The following RPTOR variants were observed in gnomAD, a reference collection of about 807,000 sequenced individuals.
RPTOR encodes the protein regulatory associated protein of MTOR complex 1, also known as regulatory-associated protein of mTOR.
RPTOR carries 21 observed loss-of-function variants against 169.9 expected under a neutral mutation model. The ratio of observed to expected loss-of-function variants is 0.12; its 90% CI spans 0.09 to 0.18. The LOEUF (loss-of-function observed/expected upper bound fraction) is 0.18. Ranked by LOEUF, RPTOR falls within the 10% of genes least tolerant of loss-of-function variation. The pLI, the probability that RPTOR is intolerant of heterozygous loss-of-function variation, is 1.00. For missense variants in RPTOR, 1,133 were observed against 1,855.9 expected (o/e 0.61, Z 7.16); for synonymous variants, 732 against 753.2 (o/e 0.97, Z 0.46).
intron 2 of RPTOR, among the ~76,000 whole-genome samples, chr17:80,629,612 T>C (rs778672167): frequency 2.0e-5 from 3 of 151,668 alleles, no homozygotes; most frequent in Non-Finnish European, 2.9e-5. Context: ...CAGCTCTCTA[T>C]GTATTGCGTT....
intron 3 of RPTOR, among the ~76,000 whole-genome samples, chr17:80,655,299 T>A (rs1349738929): frequency 1.3e-5 from 2 of 152,246 alleles, no homozygotes; most frequent in African/African-American, 2.4e-5. Context: ...TTGGCCAGGC[T>A]GGCCTCAAAG....
intron 2 of RPTOR, among the ~76,000 whole-genome samples, chr17:80,637,221 A>C (rs2065514742): frequency 6.6e-6 from 1 of 152,232 alleles, no homozygotes; most frequent in Admixed American, 6.5e-5. Flanking sequence ...GAGGGAGAGC[A>C]GACGTCATGT....
chr17:80,855,776 C>T (rs1001638681), intron 12 of RPTOR, among the ~76,000 whole-genome samples: 2 of 152,094 alleles, frequency 1.3e-5, no homozygotes, highest in African/African-American at 2.4e-5. Flanking sequence ...CTGGGGTTGT[C>T]GCCCCTCTTT....
At chr17:80,883,584 G>A (rs1004002818) in intron 15 of RPTOR, 100 bp downstream of exon 15, 2 of 1,290,092 alleles carry the variant, frequency 1.6e-6, no homozygotes, top group Non-Finnish European at 2.2e-6. Context: ...GACAGGGGGT[G>A]TCCAGCAGAG....
At chr17:80,630,940 G>A (rs2065437262) in intron 2 of RPTOR, among the ~76,000 whole-genome samples, 1 of 152,166 alleles carries the variant, frequency 6.6e-6, no homozygotes, top group Non-Finnish European at 1.5e-5. Context: ...TCTCTCTTTA[G>A]TCTTAGGCAG....
rs9319608 is a variant in RPTOR, at chr17:80,674,787, CAA to C, written c.348+31014_348+31015del. 3.5e-3 allele frequency among the ~76,000 whole-genome samples: 315 copies of C among 89,928 alleles called. 3 individuals are homozygous for C. Among genetic ancestry groups the C allele is most frequent in the Middle Eastern group, 0.013 (2 of 150 alleles). The allele number at this position is 89,928 out of a possible 152,430, so 59.0% of individuals were successfully genotyped here. ...TGGGCAACAGAGCAAGACTCTGTCT[CAA>C]AAAAAAAAAAAAAAAAAAAAAAAAA... On this transcript the variant is annotated intron_variant, in intron 3 of 33. Transcript: ENST00000306801.
chr17:80,665,897 C>A (rs2065775087), intron 3 of RPTOR, among the ~76,000 whole-genome samples: 1 of 152,176 alleles, frequency 6.6e-6, no homozygotes, highest in African/African-American at 2.4e-5. Context: ...CTTGGAAGAT[C>A]TTCGTCGGAA....
intron 12 of RPTOR, 69 bp from the exon 13 acceptor site, chr17:80,857,721 G>T: frequency 3.7e-6 from 4 of 1,075,492 alleles, no homozygotes; most frequent in South Asian, 1.3e-5. Flanking sequence ...CTGGTCCCGC[G>T]TGGCACCCCT....
At chr17:80,952,855 CTTTTTTTTTTTTTT>C (rs139746545) in intron 28 of RPTOR, among the ~76,000 whole-genome samples, 39 of 98,072 alleles carry the variant, frequency 4.0e-4, no homozygotes, top group Non-Finnish European at 4.3e-4. Context: ...TTCTTTTCTT[CTTTTTTTTTTTTTT>C]TTTTTTTTTT....
chr17:80,940,572 G>A lies in RPTOR; in HGVS notation c.2996G>A (p.Arg999Lys), dbSNP rs2144037167. The change falls in exon 25 of 34, where the codon AGG (arginine) becomes AAG (lysine). Residue 999 changes from arginine to lysine, a missense_variant. Physicochemically the swap from Arg to Lys is conservative, Grantham distance 26. Around this residue, in one of 9 missense-constraint regions of RPTOR, gnomAD observed 410 missense variants for 623.7 expected, o/e 0.66. Coordinates refer to ENST00000306801, the MANE Select transcript of RPTOR (RefSeq NM_020761.3). ...EWRFLRNSRVRRQAQQVIQKG... is the reference protein window; with the variant it reads ...EWRFLRNSRVKRQAQQVIQKG... ...CGGTTCCTGCGAAACAGCCGTGTCA[G>A]GAGGCAGGCCCAGCAAGTCATTCAG... 1.2e-6 allele frequency: 2 copies of A among 1,612,666 alleles called. No individual in the cohort carries two copies. The highest frequency in any genetic ancestry group is 2.7e-5 in the African/African-American group (2 of 75,022).
At chr17:80,884,285 G>T (rs1478335069) in intron 16 of RPTOR, among the ~76,000 whole-genome samples, 3 of 151,972 alleles carry the variant, frequency 2.0e-5, no homozygotes, top group African/African-American at 7.2e-5. Context: ...GGCCTGCAAG[G>T]CAGGGACCAC....
chr17:80,933,168 TA>T, intron 24 of RPTOR, among the ~76,000 whole-genome samples: 1 of 152,302 alleles, frequency 6.6e-6, no homozygotes, highest in East Asian at 1.9e-4. Context: ...AAACATATCA[TA>T]TTGGAAAGAA....
chr17:80,948,868 C>G (rs2069136764), intron 27 of RPTOR, among the ~76,000 whole-genome samples: 4 of 152,146 alleles, frequency 2.6e-5, no homozygotes, highest in Admixed American at 2.0e-4. Context: ...CATTCTAAGC[C>G]CTGAAGAGCA....
At chr17:80,764,702 G>T (rs1277325362) in intron 6 of RPTOR, among the ~76,000 whole-genome samples, 1 of 152,094 alleles carries the variant, frequency 6.6e-6, no homozygotes. Flanking sequence ...GGGTCAAATG[G>T]TATTTCTAGT....
At chr17:80,950,769 G>T (rs2069166218) in intron 28 of RPTOR, among the ~76,000 whole-genome samples, 1 of 152,190 alleles carries the variant, frequency 6.6e-6, no homozygotes, top group Admixed American at 6.5e-5. Flanking sequence ...ACCGGCCATT[G>T]TGTGTCTCTC....
chr17:80,961,362 G>T, intron 30 of RPTOR, 32 bp from the exon 31 acceptor site: 2 of 1,535,522 alleles, frequency 1.3e-6, no homozygotes. Flanking sequence ...CTTCAGGGAA[G>T]CCCCACGCTG....
At chr17:80,805,106 A>G (rs2067205350) in intron 7 of RPTOR, 1 of 151,548 alleles carries the variant, frequency 6.6e-6, no homozygotes, top group Non-Finnish European at 1.5e-5. Context: ...ACAATTTACA[A>G]CCAGGCTAGG....
chr17:80,631,426 C>T (rs2065441231), intron 2 of RPTOR, among the ~76,000 whole-genome samples: 1 of 152,142 alleles, frequency 6.6e-6, no homozygotes, highest in Non-Finnish European at 1.5e-5. Context: ...TGCAAGCGCA[C>T]ACTGGGGCCT....
intron 6 of RPTOR, among the ~76,000 whole-genome samples, chr17:80,780,023 A>G (rs1287995021): frequency 6.7e-5 from 10 of 149,128 alleles, no homozygotes; most frequent in Non-Finnish European, 1.2e-4. Context: ...GCTGTGGGAA[A>G]CTCGCTCCTC....
Sources: gnomAD v4.1 joint callset for allele counts (sites outside exome capture counted in the v4.1 genomes callset) on GRCh38, gnomAD v4.1.1 for gene constraint, gnomAD v4.1.1 regional missense constraint, MANE v1.5 for transcripts, NCBI Gene and HGNC (gene_info 2026-07-23, HGNC 2026-07-21) for gene names.